The following TCF12 variants were observed in gnomAD, a reference collection of about 807,000 sequenced individuals.
The protein encoded by TCF12 is transcription factor 12.
In TCF12, 45 loss-of-function variants were observed where a neutral mutation model predicts 86.0. The observed-to-expected ratio is 0.52, with a 90% CI of 0.41 to 0.67. TCF12 has a LOEUF of 0.67. TCF12 is among the 30% of genes least tolerant of loss of function. TCF12 has a pLI of 0.00. For synonymous variants in TCF12, 330 were observed against 299.6 expected, an observed-to-expected ratio of 1.10 and a Z score of -1.05; for missense variants, 881 against 859.9, an observed-to-expected ratio of 1.02 and a Z score of -0.31.
At chr15:56,991,877 A>C (rs1435424415) in intron 3 of TCF12, among the ~76,000 whole-genome samples, 3 of 152,174 alleles carry the variant, frequency 2.0e-5, no homozygotes, top group Non-Finnish European at 2.9e-5. Flanking sequence ...CAGGGTATAG[A>C]AAAAGTAAGT....
intron 4 of TCF12, among the ~76,000 whole-genome samples, chr15:57,067,538 CAAAAAAAAAAA>C (rs141377160): frequency 1.2e-4 from 7 of 58,588 alleles, no homozygotes; most frequent in African/African-American, 3.9e-4. Context: ...GACTCCGTCT[CAAAAAAAAAAA>C]AAAAAAAAAA....
At position 57,055,677 on chromosome 15, in the gene TCF12, T is replaced by C. The variant is rs779096550; in HGVS notation, c.149-8073T>C. Reference sequence around the variant, plus strand: ...AAGTTCTTAGTTATTTGAAATGTTGTTACTTTCAATGTAGTATGTCACTTT... The same window carrying C: ...AAGTTCTTAGTTATTTGAAATGTTGCTACTTTCAATGTAGTATGTCACTTT... On this transcript the variant is annotated intron_variant, in intron 3 of 20. Transcript: ENST00000333725. Among the ~76,000 whole-genome samples the C allele has an allele frequency of 1.4e-4, 22 of 152,200 alleles. 1 individual carries two copies. The highest frequency in any genetic ancestry group is 6.3e-3 in the Middle Eastern group (2 of 316).
At chr15:57,016,594 G>C (rs1157677931) in intron 3 of TCF12, among the ~76,000 whole-genome samples, 1 of 152,080 alleles carries the variant, frequency 6.6e-6, no homozygotes, top group African/African-American at 2.4e-5. Context: ...AGATTAATCA[G>C]CTTGGTTGAT....
chr15:57,186,938 T>G (rs925971279), intron 6 of TCF12, among the ~76,000 whole-genome samples: 4 of 152,142 alleles, frequency 2.6e-5, no homozygotes, highest in African/African-American at 9.7e-5. Context: ...TCCAACACTT[T>G]AGGAGGCCAA....
intron 5 of TCF12, among the ~76,000 whole-genome samples, chr15:57,107,040 A>G (rs2050178880): frequency 6.6e-6 from 1 of 152,222 alleles, no homozygotes; most frequent in Non-Finnish European, 1.5e-5. Flanking sequence ...TGCTCTTACC[A>G]TGCAGTCCAA....
chr15:57,094,977 G>C (rs1404284514), intron 5 of TCF12, among the ~76,000 whole-genome samples: 2 of 152,210 alleles, frequency 1.3e-5, no homozygotes, highest in Non-Finnish European at 2.9e-5. Context: ...TAATGATTCA[G>C]TAATGAACAA....
intron 16 of TCF12, 24 bp downstream of exon 16, chr15:57,253,492 G>A (rs779730173): frequency 1.9e-6 from 3 of 1,611,248 alleles, no homozygotes; most frequent in Admixed American, 3.3e-5. Flanking sequence ...CATCTTTTTT[G>A]TAGTAAACCC....
At chr15:57,015,186 G>A (rs2065083112) in intron 3 of TCF12, among the ~76,000 whole-genome samples, 1 of 152,142 alleles carries the variant, frequency 6.6e-6, no homozygotes, top group Admixed American at 6.6e-5. Flanking sequence ...TACTCAGGAG[G>A]CTGAGGTGGG....
intron 3 of TCF12, among the ~76,000 whole-genome samples, chr15:56,935,620 C>T (rs2060436062): frequency 6.6e-6 from 1 of 152,130 alleles, no homozygotes; most frequent in Non-Finnish European, 1.5e-5. Context: ...TTTTATCCCT[C>T]ACCGCCCTCC....
Position 57,287,805 on chromosome 15 carries a change from T to C in TCF12, c.*1660T>C, listed in dbSNP as rs2061981170. The C allele has an allele frequency of 6.5e-6, 1 of 152,698 alleles. No individual in the cohort carries two copies. Among genetic ancestry groups the C allele is most frequent in the Non-Finnish European group, 1.5e-5 (1 of 68,052 alleles). The allele number at this position is 152,698 out of a possible 1,614,324, so 9.5% of individuals were successfully genotyped here. ...TCATTTGTGAACTTAGTGGACTTTTTGGTTACTTTAATTTGCATATATTCT... is the reference window on the plus strand; with the variant it reads ...TCATTTGTGAACTTAGTGGACTTTTCGGTTACTTTAATTTGCATATATTCT... On this transcript the variant is annotated 3_prime_UTR_variant, in exon 21 of 21. Coordinates refer to ENST00000333725, the MANE Select transcript of TCF12 (RefSeq NM_207037.2).
chr15:56,950,518 G>A (rs1275471424), intron 3 of TCF12, among the ~76,000 whole-genome samples: 5 of 152,062 alleles, frequency 3.3e-5, no homozygotes, highest in South Asian at 4.2e-4. Context: ...GAGCCACTGC[G>A]CCTGGGTGCA....
chr15:56,929,358 G>A (rs138898743), intron 3 of TCF12, among the ~76,000 whole-genome samples: 1 of 152,290 alleles, frequency 6.6e-6, no homozygotes, highest in African/African-American at 2.4e-5. Flanking sequence ...ATAAACTGAA[G>A]CACAGATAGT....
At chr15:57,148,518 G>A in intron 5 of TCF12, among the ~76,000 whole-genome samples, 1 of 151,970 alleles carries the variant, frequency 6.6e-6, no homozygotes, top group East Asian at 1.9e-4. Flanking sequence ...TTCAGTGGGA[G>A]GGAACTTGGA....
chr15:57,018,040 G>C (rs1317150817), intron 3 of TCF12, among the ~76,000 whole-genome samples: 1 of 152,104 alleles, frequency 6.6e-6, no homozygotes, highest in African/African-American at 2.4e-5. Flanking sequence ...GAAGGATCTT[G>C]GAAAGCCAGT....
At chr15:57,169,287 C>G (rs2733340) in intron 6 of TCF12, among the ~76,000 whole-genome samples, 80 of 152,258 alleles carry the variant, frequency 5.3e-4, no homozygotes, top group African/African-American at 1.9e-3. Flanking sequence ...TACATGTATT[C>G]TCATAAGAAT....
intron 5 of TCF12, among the ~76,000 whole-genome samples, chr15:57,165,210 C>CA (rs2054798507): frequency 1.3e-5 from 2 of 150,394 alleles, no homozygotes; most frequent in South Asian, 2.1e-4. Context: ...TTGCTCATGA[C>CA]AAAAAAATAT....
intron 3 of TCF12, among the ~76,000 whole-genome samples, chr15:56,954,252 A>G (rs1209313520): frequency 6.6e-6 from 1 of 152,016 alleles, no homozygotes; most frequent in Non-Finnish European, 1.5e-5. Flanking sequence ...TTCTAGTTTA[A>G]TTTGATTGTG....
chr15:57,265,068 A>AATAGTATAGT (rs71113096), intron 18 of TCF12, among the ~76,000 whole-genome samples: 1,518 of 139,694 alleles, frequency 0.011, 20 homozygotes, highest in East Asian at 0.025. Context: ...TCTAATGATA[A>AATAGTATAGT]ATAGTATAGT....
chr15:56,950,859 C>G (rs151126147), intron 3 of TCF12, among the ~76,000 whole-genome samples: 3 of 146,134 alleles, frequency 2.1e-5, no homozygotes, highest in African/African-American at 7.6e-5. Flanking sequence ...CAGGTTCAAG[C>G]GATTCTCGTG....
Sources: allele counts gnomAD v4.1 joint callset (sites outside exome capture counted in the v4.1 genomes callset), GRCh38; gene constraint gnomAD v4.1.1; transcripts MANE v1.5; gene names NCBI Gene and HGNC (gene_info 2026-07-23, HGNC 2026-07-21).